BPTF: variants seen among roughly 807,000 people sequenced by gnomAD.
BPTF encodes nucleosome-remodeling factor subunit BPTF.
Under a neutral mutation model 292.5 loss-of-function variants are expected in BPTF, and 18 were observed. The observed-to-expected ratio is 0.06, with a 90% CI of 0.04 to 0.09. The LOEUF (loss-of-function observed/expected upper bound fraction) is 0.09. Among genes scored for constraint, BPTF ranks in the 10% least tolerant of loss-of-function variants. The pLI is 1.00. For missense variants in BPTF, 2,726 were observed against 3,498.7 expected (o/e 0.78, Z 5.57); for synonymous variants, 1,225 against 1,251.9 (o/e 0.98, Z 0.45).
chr17:67,913,365 A>C (rs565247510), intron 11 of BPTF, among the ~76,000 whole-genome samples, 178 bp downstream of exon 11: 2 of 148,966 alleles, frequency 1.3e-5, no homozygotes, highest in Admixed American at 6.8e-5. Context: ...CTAATGTACT[A>C]AAGTTTTTGT....
chr17:67,964,544 G>A, intron 25 of BPTF, 140 bp downstream of exon 25: 1 of 1,012,894 alleles, frequency 9.9e-7, no homozygotes, highest in Non-Finnish European at 1.4e-6. Flanking sequence ...CTAACAAACT[G>A]CAGTCCTTCA....
At chr17:67,896,935 T>G (rs1186311306) in intron 7 of BPTF, among the ~76,000 whole-genome samples, 3 of 151,988 alleles carry the variant, frequency 2.0e-5, no homozygotes, top group Non-Finnish European at 4.4e-5. Flanking sequence ...TATGATGAAA[T>G]AGAAAACAAA....
At chr17:67,969,001 AAAAT>A (rs1358035093) in intron 26 of BPTF, among the ~76,000 whole-genome samples, 9 of 150,828 alleles carry the variant, frequency 6.0e-5, no homozygotes, top group African/African-American at 2.2e-4. Context: ...AAAAATAAAC[AAAAT>A]AAATAAAGAA....
At chr17:67,955,974 C>T (rs2066889986) in intron 23 of BPTF, 1 of 151,836 alleles carries the variant, frequency 6.6e-6, no homozygotes, top group African/African-American at 2.4e-5. Flanking sequence ...ATGGCAAAAC[C>T]CTGTTTCTAC....
chr17:67,856,347 G>A (rs2058689794), intron 2 of BPTF, among the ~76,000 whole-genome samples: 1 of 151,792 alleles, frequency 6.6e-6, no homozygotes, highest in Non-Finnish European at 1.5e-5. Flanking sequence ...CTGTGTCTTG[G>A]ATATAGTATT....
intron 4 of BPTF, among the ~76,000 whole-genome samples, chr17:67,877,221 T>TA (rs1331211589): frequency 6.6e-6 from 1 of 152,230 alleles, no homozygotes; most frequent in East Asian, 1.9e-4. Flanking sequence ...CTTGGTGACT[T>TA]ACATTCTAGT....
intron 1 of BPTF, among the ~76,000 whole-genome samples, chr17:67,836,763 T>C (rs145098863): frequency 4.0e-4 from 61 of 152,372 alleles, no homozygotes; most frequent in Admixed American, 6.5e-4. Context: ...AGCAAAATTA[T>C]TTCACACACT....
At position 67,949,446 on chromosome 17, in the gene BPTF, G is replaced by A. The variant is rs527738515; in HGVS notation, c.7926+1140G>A. 4.0e-5 allele frequency among the ~76,000 whole-genome samples: 6 copies of A among 151,586 alleles called. No individual in the cohort carries two copies. The South Asian group carries it at 1.3e-3, about 32-fold the overall frequency. ...AAAAATTAGCTGGGCGTGGTGGCAG[G>A]CACCTGTAATCCCAGCTACTTGGGA... On this transcript the variant is annotated intron_variant, in intron 23 of 27. Coordinates refer to ENST00000306378, the MANE Select transcript of BPTF (RefSeq NM_182641.4).
intron 25 of BPTF, 53 bp downstream of exon 25, chr17:67,964,457 T>C: frequency 6.5e-7 from 1 of 1,535,286 alleles, no homozygotes; most frequent in Non-Finnish European, 8.9e-7. Context: ...AGCATAATTT[T>C]GGAAGCATTT....
chr17:67,838,081 T>C (rs1391814414), intron 1 of BPTF, among the ~76,000 whole-genome samples: 1 of 152,198 alleles, frequency 6.6e-6, no homozygotes, highest in Admixed American at 6.5e-5. Context: ...AGGTTACCAA[T>C]TAGTAGATAT....
rs1419300069 is a variant in BPTF at position 67,826,063 on chromosome 17, G to A, written c.339G>A (p.Arg113=). 2 of 1,273,962 alleles carry A rather than the reference G, an allele frequency of 1.6e-6. No homozygotes were observed. Among genetic ancestry groups the A allele is most frequent in the Non-Finnish European group, 2.1e-6 (2 of 951,960 alleles). 78.9% of individuals were successfully genotyped at this position (1,273,962 alleles called of 1,614,324 possible). ...GGGGGGGHLA[R]TTAARRAVNK... is the part of the protein sequence containing the mutation. The stretch of plus-strand genomic sequence containing the variant: ...GGGGCGGCGGCGGCCACCTGGCCCG[G>A]ACCACCGCGGCCCGGAGGGCCGTCA... The change falls in exon 1 of 28, where the codon CGG becomes CGA. Residue 113 remains arginine (R), a synonymous_variant. Transcript: ENST00000306378.
chr17:67,934,796 C>T (rs1436015547), intron 18 of BPTF, among the ~76,000 whole-genome samples: 1 of 138,964 alleles, frequency 7.2e-6, no homozygotes, highest in Non-Finnish European at 1.5e-5. Context: ...TGCTTGAACC[C>T]AGGAGGCAGA....
chr17:67,945,009 C>T (rs1467975141), intron 20 of BPTF, among the ~76,000 whole-genome samples: 2 of 152,048 alleles, frequency 1.3e-5, no homozygotes, highest in Non-Finnish European at 2.9e-5. Context: ...ACCTTCTGTA[C>T]CAAAATACAA....
chr17:67,900,373 G>A (rs1043220778), intron 7 of BPTF, among the ~76,000 whole-genome samples: 3 of 152,000 alleles, frequency 2.0e-5, no homozygotes, highest in African/African-American at 7.2e-5. Context: ...CCAAAGTGCT[G>A]GGATTACAGG....
At chr17:67,863,578 C>G (rs2059215409) in intron 2 of BPTF, among the ~76,000 whole-genome samples, 1 of 152,218 alleles carries the variant, frequency 6.6e-6, no homozygotes, top group South Asian at 2.1e-4. Flanking sequence ...GCCACCACGC[C>G]CGGCCCATTA....
At chr17:67,916,194 A>G (rs1170291157) in intron 11 of BPTF, among the ~76,000 whole-genome samples, 3 of 152,184 alleles carry the variant, frequency 2.0e-5, no homozygotes, top group Non-Finnish European at 4.4e-5. Context: ...AACACAGTGG[A>G]GAAAGTAATG....
chr17:67,936,770 G>C (rs1015332853), intron 18 of BPTF: 4 of 152,202 alleles, frequency 2.6e-5, no homozygotes, highest in Non-Finnish European at 5.9e-5. Flanking sequence ...CATTGACTCT[G>C]TGCCAGGGTG....
Position 67,975,888 on chromosome 17 carries a change from C to G in BPTF, c.8656C>G (p.Pro2886Ala), listed in dbSNP as rs1555693678. The change falls in exon 27 of 28, where the codon CCA becomes GCA. Residue 2886 changes from proline (P) to alanine (A), a missense_variant. Coordinates refer to ENST00000306378, the MANE Select transcript of BPTF (RefSeq NM_182641.4). ...TCGTTACTACAATCCAAGTGACTCC[C>G]CATTTTACCAGTGTGCAGAAGTTCT... Reference protein sequence around the residue: ...NCRYYNPSDSPFYQCAEVLES... With the variant: ...NCRYYNPSDSAFYQCAEVLES... 4 of 1,613,938 alleles carry G rather than the reference C, an allele frequency of 2.5e-6. No individual in the cohort carries two copies. Among genetic ancestry groups the G allele is most frequent in the Non-Finnish European group, 3.4e-6 (4 of 1,179,972 alleles).
rs1475041151 is a variant in BPTF at position 67,983,732 on chromosome 17, A to C, written c.*1444A>C. The stretch of plus-strand genomic sequence containing the variant: ...AAAAATTTTTACTAGATTTTGCACT[A>C]ACTCATATTAGCTTTGTCCTACCAA... On this transcript the variant is annotated 3_prime_UTR_variant, in exon 28 of 28. Transcript: ENST00000306378. The C allele has an allele frequency of 6.5e-6, 1 of 152,676 alleles. No individual in the cohort carries two copies. The highest frequency in any genetic ancestry group is 1.9e-4 in the East Asian group (1 of 5,202). The allele number at this position is 152,676 out of a possible 1,614,324, so 9.5% of individuals were successfully genotyped here. A position where few individuals can be genotyped will look rare whatever the true frequency, so the allele number is the denominator to read the frequency against.
Sources: allele counts gnomAD v4.1 joint callset (sites outside exome capture counted in the v4.1 genomes callset), GRCh38; gene constraint gnomAD v4.1.1; transcripts MANE v1.5; gene names NCBI Gene and HGNC (gene_info 2026-07-23, HGNC 2026-07-21).